PSCA: variants seen among roughly 807,000 people sequenced by gnomAD.
PSCA encodes prostate stem cell antigen.
In PSCA, 7 loss-of-function variants were observed where a neutral mutation model predicts 7.9. The ratio of observed to expected loss-of-function variants is 0.89; its 90% CI spans 0.51 to 1.67. PSCA has a LOEUF of 1.67. Among genes scored for constraint, PSCA ranks in the 40% most tolerant of loss-of-function variants. The probability of loss-of-function intolerance (pLI) is 0.00; values close to 1 mark genes in which losing one functional copy is unlikely to be tolerated. For synonymous variants in PSCA, 61 were observed against 68.3 expected, an observed-to-expected ratio of 0.89 and a Z score of 0.53; for missense variants, 151 against 147.9, an observed-to-expected ratio of 1.02 and a Z score of -0.11.
At position 142,681,444 on chromosome 8, in the gene PSCA, G is replaced by A; in HGVS notation, c.133+10G>A. 1 of 1,579,304 alleles carries A rather than the reference G, an allele frequency of 6.3e-7. No individual in the cohort carries two copies. The highest frequency in any genetic ancestry group is 8.6e-7 in the Non-Finnish European group (1 of 1,162,504). On this transcript the variant is annotated intron_variant, in intron 2 of 2. Coordinates refer to ENST00000301258, the MANE Select transcript of PSCA (RefSeq NM_005672.5). ...TGGACCGCGCGCATCCGTGAGTGGG[G>A]GGACGACAGCCGCCAGGCCTAGGTC...
intron 2 of PSCA, chr8:142,681,708 A>G: frequency 1.7e-6 from 1 of 603,902 alleles, no homozygotes; most frequent in South Asian, 2.0e-5. Context: ...CACTCACCCC[A>G]TTTCTGACGC....
At position 142,682,528 on chromosome 8, in the gene PSCA, T is replaced by A; in HGVS notation, c.*396T>A. ...CCCGCACCCAGCAGGGGACAGGCAC[T>A]CAGGAGGGCCCGGTAAAGGCTGAGA... On this transcript the variant is annotated 3_prime_UTR_variant, in exon 3 of 3. Coordinates refer to ENST00000301258, the MANE Select transcript of PSCA (RefSeq NM_005672.5). The A allele has an allele frequency of 2.1e-6, 1 of 474,920 alleles. No homozygotes were observed. The allele number at this position is 474,920 out of a possible 1,614,324, so 29.4% of individuals were successfully genotyped here.
intron 1 of PSCA, 184 bp downstream of exon 1, chr8:142,680,747 T>C (rs1024806375): frequency 6.7e-6 from 5 of 749,906 alleles, no homozygotes. Flanking sequence ...CAGCGACCTG[T>C]TCCCTGCCGT....
chr8:142,681,398 A>C lies in PSCA; in HGVS notation c.97A>C (p.Thr33Pro), dbSNP rs1554638310. ...NEDCLQVENCTQLGEQCWTAR... is the reference protein window; with the variant it reads ...NEDCLQVENCPQLGEQCWTAR... ...GGACTGCCTGCAGGTGGAGAACTGCACCCAGCTGGGGGAGCAGTGCTGGAC... is the reference window on the plus strand; with the variant it reads ...GGACTGCCTGCAGGTGGAGAACTGCCCCCAGCTGGGGGAGCAGTGCTGGAC... Residue 33 changes from threonine (T) to proline (P), a missense_variant, in exon 2 of 3, where the codon ACC becomes CCC. Transcript: ENST00000301258. 1 of 1,593,766 alleles carries C rather than the reference A, an allele frequency of 6.3e-7. No individual in the cohort carries two copies. Among genetic ancestry groups the C allele is most frequent in the Admixed American group, 1.7e-5 (1 of 57,478 alleles).
rs1814624314 is a variant in PSCA, at chr8:142,681,212, A to AG, written c.26-112dup. On this transcript the variant is annotated intron_variant, in intron 1 of 2. Coordinates refer to ENST00000301258, the MANE Select transcript of PSCA (RefSeq NM_005672.5). ...GGGAGGAGACATTGAGGGTGACAAG[A>AG]GGGCGCCGAGGACTTCCTCAGGCCA... 5.8e-6 allele frequency: 4 copies of AG among 691,286 alleles called. No homozygotes were observed. The Admixed American group carries it at 9.9e-5, about 17-fold the overall frequency. 42.8% of individuals were successfully genotyped at this position (691,286 alleles called of 1,614,324 possible).
intron 1 of PSCA, among the ~76,000 whole-genome samples, chr8:142,671,551 ACTC>A (rs1847326912): frequency 6.6e-6 from 1 of 151,978 alleles, no homozygotes; most frequent in South Asian, 2.1e-4. Flanking sequence ...TGGGTAGCTC[ACTC>A]CTCCTTTTTC....
chr8:142,672,128 A>G (rs13264644), intron 1 of PSCA, among the ~76,000 whole-genome samples: 44,174 of 152,070 alleles, frequency 0.29, 8,244 homozygotes, highest in Non-Finnish European at 0.41. Flanking sequence ...GCCTTGCTCC[A>G]TCTGCATTGC....
At position 142,680,504 on chromosome 8, in the gene PSCA, C is replaced by A; in HGVS notation, c.-35C>A. 1 of 1,552,538 alleles carries A rather than the reference C, an allele frequency of 6.4e-7. No individual in the cohort carries two copies. Among genetic ancestry groups the A allele is most frequent in the Non-Finnish European group, 8.7e-7 (1 of 1,147,432 alleles). On this transcript the variant is annotated 5_prime_UTR_variant, in exon 1 of 3. Transcript: ENST00000301258. ...TGAGGCCCTCTCCACCACAGCCCAC[C>A]AGTGACCACGAAGGCTGTGCTGCTT...
At chr8:142,680,693 G>A in intron 1 of PSCA, 130 bp downstream of exon 1, 1 of 1,266,556 alleles carries the variant, frequency 7.9e-7, no homozygotes, top group Non-Finnish European at 1.1e-6. Context: ...TGAGGCTCTT[G>A]CCCTAGCCTC....
intron 1 of PSCA, among the ~76,000 whole-genome samples, chr8:142,675,360 C>T (rs1032519408): frequency 1.3e-5 from 2 of 152,188 alleles, no homozygotes; most frequent in Non-Finnish European, 2.9e-5. Flanking sequence ...GGGGCAGGGC[C>T]CTGATGACGC....
intron 2 of PSCA, chr8:142,681,687 G>T: frequency 1.7e-6 from 1 of 605,068 alleles, no homozygotes; most frequent in Non-Finnish European, 3.0e-6. Context: ...CCATCCCTGA[G>T]CTCACTTACT....
At chr8:142,677,674 GTA>G (rs1368839516), upstream of PSCA, among the ~76,000 whole-genome samples, 1 of 152,070 alleles carries the variant, frequency 6.6e-6, no homozygotes, top group Non-Finnish European at 1.5e-5. Flanking sequence ...GTTCATGACT[GTA>G]TGAGGCCCCT....
intron 1 of PSCA, among the ~76,000 whole-genome samples, chr8:142,670,758 A>G (rs1285520362): frequency 1.3e-5 from 2 of 152,134 alleles, no homozygotes; most frequent in Non-Finnish European, 2.9e-5. Flanking sequence ...CATTACTTAC[A>G]TGGCAAAAGG....
upstream of PSCA, among the ~76,000 whole-genome samples, chr8:142,676,802 C>T (rs1286516586): frequency 3.3e-5 from 5 of 152,204 alleles, no homozygotes; most frequent in South Asian, 2.1e-4. Flanking sequence ...GCCAGCTGAC[C>T]GGGAGACTGG....
intron 1 of PSCA, 165 bp from the exon 2 acceptor site, chr8:142,681,162 C>T (rs1847458783): frequency 5.1e-6 from 3 of 590,332 alleles, no homozygotes; most frequent in Non-Finnish European, 9.1e-6. Flanking sequence ...ATTTCGGAGG[C>T]ACTGAGCAGG....
At chr8:142,678,532 AG>A (rs369369419), upstream of PSCA, among the ~76,000 whole-genome samples, 67 of 152,366 alleles carry the variant, frequency 4.4e-4, no homozygotes, top group Middle Eastern at 3.4e-3. Flanking sequence ...TCGGGCTTGC[AG>A]GGATGAGGGG....
chr8:142,682,489 G>A lies in PSCA; in HGVS notation c.*357G>A, dbSNP rs587704689. On this transcript the variant is annotated 3_prime_UTR_variant, in exon 3 of 3. Transcript: ENST00000301258. Reference sequence around the variant, plus strand: ...CCCATCTATGACTTGAGCCAGGTCTGGTCCGTGGTGTCCCCCGCACCCAGC... The same window carrying A: ...CCCATCTATGACTTGAGCCAGGTCTAGTCCGTGGTGTCCCCCGCACCCAGC... 6.3e-4 allele frequency: 344 copies of A among 549,860 alleles called. 5 individuals are homozygous for A. Among genetic ancestry groups the A allele is most frequent in the South Asian group, 5.2e-3 (338 of 64,924 alleles). The allele number at this position is 549,860 out of a possible 1,614,324, so 34.1% of individuals were successfully genotyped here.
chr8:142,671,007 T>C (rs1436020022), intron 1 of PSCA, among the ~76,000 whole-genome samples: 1 of 152,246 alleles, frequency 6.6e-6, no homozygotes, highest in Non-Finnish European at 1.5e-5. Context: ...TAATACCTAA[T>C]ACAATGTAAG....
At chr8:142,672,646 T>C (rs1240658999) in intron 1 of PSCA, among the ~76,000 whole-genome samples, 1 of 152,184 alleles carries the variant, frequency 6.6e-6, no homozygotes, top group African/African-American at 2.4e-5. Context: ...CTGGGGTTCA[T>C]TGTCTCACAC....
Sources: allele counts gnomAD v4.1 joint callset (sites outside exome capture counted in the v4.1 genomes callset), GRCh38; gene constraint gnomAD v4.1.1; transcripts MANE v1.5; gene names NCBI Gene and HGNC (gene_info 2026-07-23, HGNC 2026-07-21).